The following LRRTM4 variants were observed in gnomAD, a reference collection of about 807,000 sequenced individuals.
The protein encoded by LRRTM4 is leucine-rich repeat transmembrane neuronal protein 4.
A neutral mutation model predicts 47.6 loss-of-function variants in LRRTM4; 25 were observed. The observed-to-expected ratio is 0.53, with a 90% CI of 0.38 to 0.73. LRRTM4 has a LOEUF of 0.73. Ranked by LOEUF, LRRTM4 falls within the 30% of genes least tolerant of loss-of-function variation. The pLI is 0.00. For missense variants in LRRTM4, 638 were observed against 713.4 expected (o/e 0.89, Z 1.20); for synonymous variants, 311 against 269.5 (o/e 1.15, Z -1.51).
chr2:76,828,261 G>T (rs1671241985), intron 3 of LRRTM4, among the ~76,000 whole-genome samples: 1 of 151,876 alleles, frequency 6.6e-6, no homozygotes, highest in South Asian at 2.1e-4. Context: ...CTCCAAAATT[G>T]CAGTAAAGTA....
chr2:77,289,092 G>T (rs1053803515), intron 3 of LRRTM4, among the ~76,000 whole-genome samples: 16 of 151,946 alleles, frequency 1.1e-4, no homozygotes, highest in African/African-American at 3.9e-4. Flanking sequence ...ATGTATAGCT[G>T]TATCCTTTTA....
intron 3 of LRRTM4, among the ~76,000 whole-genome samples, chr2:77,497,067 TTAAAG>T (rs1201939754): frequency 4.6e-5 from 7 of 151,706 alleles, no homozygotes; most frequent in African/African-American, 1.2e-4. Flanking sequence ...ACCTAAGTTA[TTAAAG>T]TAATCTGCAA....
At chr2:77,382,863 G>A (rs1191653470) in intron 3 of LRRTM4, among the ~76,000 whole-genome samples, 6 of 152,118 alleles carry the variant, frequency 3.9e-5, no homozygotes, top group East Asian at 1.9e-4. Context: ...GGTGAAGGAC[G>A]AGCCATACGA....
intron 3 of LRRTM4, among the ~76,000 whole-genome samples, chr2:77,081,887 A>G (rs1466882349): frequency 1.3e-5 from 2 of 152,160 alleles, no homozygotes; most frequent in Non-Finnish European, 2.9e-5. Context: ...CTATTAGAGA[A>G]TCTACCAAGA....
chr2:77,264,003 C>A (rs1340903603), intron 3 of LRRTM4, among the ~76,000 whole-genome samples: 1 of 149,532 alleles, frequency 6.7e-6, no homozygotes, highest in Non-Finnish European at 1.5e-5. Flanking sequence ...ACCGAAACTT[C>A]TTTAAGTTTT....
At chr2:77,304,090 C>G (rs992399762) in intron 3 of LRRTM4, among the ~76,000 whole-genome samples, 3 of 152,076 alleles carry the variant, frequency 2.0e-5, no homozygotes, top group Admixed American at 2.0e-4. Context: ...TGCAAGGGTT[C>G]CTTTTTCTCC....
At chr2:77,169,894 T>C (rs1461176625) in intron 3 of LRRTM4, among the ~76,000 whole-genome samples, 1 of 152,200 alleles carries the variant, frequency 6.6e-6, no homozygotes, top group Non-Finnish European at 1.5e-5. Context: ...GTAAAGTTTT[T>C]TTAGGTCTAA....
At position 76,834,046 on chromosome 2, in the gene LRRTM4, A is replaced by ATTTATTTATTTAT. The variant is rs1671438357; in HGVS notation, c.1552-85131_1552-85130insATAAATAAATAAA. Among the ~76,000 whole-genome samples, 6 of 149,208 alleles carry ATTTATTTATTTAT rather than the reference A, an allele frequency of 4.0e-5. No homozygotes were observed. In the South Asian group the frequency reaches 1.3e-3, roughly 32 times the overall value. On this transcript the variant is annotated intron_variant, in intron 3 of 3. Coordinates refer to ENST00000409884, the MANE Select transcript of LRRTM4 (RefSeq NM_001134745.3). Reference sequence around the variant, plus strand: ...TATTTATTTATTTATTTATTTATTTATTTATTTATTTTGAGATGGAGTCTT... The same window carrying ATTTATTTATTTAT: ...TATTTATTTATTTATTTATTTATTTATTTATTTATTTATTTTATTTATTTTGAGATGGAGTCTT...
intron 3 of LRRTM4, among the ~76,000 whole-genome samples, chr2:77,207,242 C>T (rs545096429): frequency 3.8e-4 from 49 of 130,642 alleles, no homozygotes; most frequent in South Asian, 1.7e-3. Flanking sequence ...TATATATATA[C>T]GTATTTATAC....
chr2:77,353,589 T>C (rs1320673117), intron 3 of LRRTM4, among the ~76,000 whole-genome samples: 1 of 152,184 alleles, frequency 6.6e-6, no homozygotes, highest in Non-Finnish European at 1.5e-5. Context: ...AATGACACCA[T>C]TGGTGAAGTT....
intron 3 of LRRTM4, among the ~76,000 whole-genome samples, chr2:77,297,871 A>T (rs934018423): frequency 1.3e-5 from 2 of 152,228 alleles, no homozygotes; most frequent in Non-Finnish European, 2.9e-5. Flanking sequence ...TTTAGGACTG[A>T]CACAAGATCA....
At chr2:77,426,981 C>A (rs953975147) in intron 3 of LRRTM4, among the ~76,000 whole-genome samples, 2 of 135,738 alleles carry the variant, frequency 1.5e-5, no homozygotes, top group African/African-American at 5.4e-5. Context: ...CTGTGCCTGG[C>A]TTTTTTTTTT....
intron 3 of LRRTM4, among the ~76,000 whole-genome samples, chr2:76,897,752 C>A (rs576139007): frequency 6.6e-6 from 1 of 152,256 alleles, no homozygotes; most frequent in Admixed American, 6.5e-5. Flanking sequence ...GTGACTGGAA[C>A]TTGGAGGCAT....
intron 3 of LRRTM4, among the ~76,000 whole-genome samples, chr2:77,385,124 G>T (rs546232734): frequency 6.6e-6 from 1 of 152,030 alleles, no homozygotes; most frequent in Non-Finnish European, 1.5e-5. Context: ...ACAAAGTAAC[G>T]ATCACCAATC....
At chr2:77,473,143 T>C (rs541472077) in intron 3 of LRRTM4, among the ~76,000 whole-genome samples, 22 of 152,224 alleles carry the variant, frequency 1.4e-4, no homozygotes, top group African/African-American at 5.1e-4. Flanking sequence ...ATTATACATA[T>C]AAACATTATC....
intron 3 of LRRTM4, among the ~76,000 whole-genome samples, chr2:77,512,428 T>C (rs1201959504): frequency 6.6e-6 from 1 of 152,172 alleles, no homozygotes; most frequent in Non-Finnish European, 1.5e-5. Context: ...TTAAACTGAC[T>C]CAATGAATGA....
At chr2:77,202,163 A>G (rs1673994761) in intron 3 of LRRTM4, among the ~76,000 whole-genome samples, 1 of 152,090 alleles carries the variant, frequency 6.6e-6, no homozygotes, top group Admixed American at 6.6e-5. Context: ...AAGTGGCCCC[A>G]GATATTGGCA....
chr2:76,853,482 G>A (rs992394703), intron 3 of LRRTM4, among the ~76,000 whole-genome samples: 12 of 151,950 alleles, frequency 7.9e-5, no homozygotes, highest in African/African-American at 2.2e-4. Flanking sequence ...TCAAACTCTC[G>A]TCCTTGCCCT....
chr2:77,414,331 G>C (rs745955614), intron 3 of LRRTM4, among the ~76,000 whole-genome samples: 1 of 152,110 alleles, frequency 6.6e-6, no homozygotes, highest in Admixed American at 6.6e-5. Flanking sequence ...GCTACACAGA[G>C]AGTTGTAATT....
Sources: gnomAD v4.1 joint callset for allele counts (sites outside exome capture counted in the v4.1 genomes callset) on GRCh38, gnomAD v4.1.1 for gene constraint, MANE v1.5 for transcripts, NCBI Gene and HGNC (gene_info 2026-07-23, HGNC 2026-07-21) for gene names.